OCA2: variants seen among roughly 807,000 people sequenced by gnomAD.
The protein encoded by OCA2 is P protein.
In OCA2, 77 loss-of-function variants were observed where a neutral mutation model predicts 100.2. That is an observed-to-expected ratio of 0.77 (90% CI 0.64 to 0.93). The LOEUF is 0.93. OCA2 is among the 40% of genes least tolerant of loss of function. The pLI, the probability that OCA2 is intolerant of heterozygous loss-of-function variation, is 0.00. For missense variants in OCA2, 1,062 were observed against 1,089.1 expected (o/e 0.98, Z 0.35); for synonymous variants, 432 against 439.2 (o/e 0.98, Z 0.21).
intron 1 of OCA2, among the ~76,000 whole-genome samples, chr15:28,093,917 G>A (rs1363833376): frequency 6.6e-6 from 1 of 152,168 alleles, no homozygotes; most frequent in Non-Finnish European, 1.5e-5. Context: ...CAGGTTAGTG[G>A]TTGTCCGGGG....
At chr15:28,016,047 T>C (rs2141239493) in intron 8 of OCA2, 57 bp downstream of exon 8, 1 of 1,421,766 alleles carries the variant, frequency 7.0e-7, no homozygotes, top group South Asian at 1.1e-5. Context: ...GTCAGACTCC[T>C]TTAAACGCAC....
At chr15:27,954,506 G>A (rs1379991960) in intron 17 of OCA2, among the ~76,000 whole-genome samples, 5 of 152,176 alleles carry the variant, frequency 3.3e-5, no homozygotes, top group African/African-American at 4.8e-5. Context: ...CACCTGACTC[G>A]CATGGAGAGT....
intron 14 of OCA2, among the ~76,000 whole-genome samples, chr15:27,973,971 T>C (rs963756683): frequency 2.0e-5 from 3 of 152,220 alleles, no homozygotes; most frequent in Admixed American, 2.0e-4. Context: ...AGTTCTTGAT[T>C]TGATTCTTGG....
At chr15:27,773,619 A>G (rs2032019625) in intron 23 of OCA2, among the ~76,000 whole-genome samples, 2 of 152,224 alleles carry the variant, frequency 1.3e-5, no homozygotes, top group South Asian at 4.1e-4. Context: ...ATTCTGTGAG[A>G]TAGGGAGCAT....
intron 2 of OCA2, among the ~76,000 whole-genome samples, chr15:28,041,251 GA>G (rs934618443): frequency 1.9e-4 from 21 of 111,138 alleles, no homozygotes; most frequent in East Asian, 8.8e-4. Context: ...ACACAGTAAA[GA>G]AAAAAAAACG....
intron 18 of OCA2, among the ~76,000 whole-genome samples, chr15:27,932,267 G>A (rs4238496): frequency 0.19 from 29,388 of 152,130 alleles, 4,120 homozygotes; most frequent in East Asian, 0.61. Flanking sequence ...GGTAGCTGAG[G>A]CACTGAAGCA....
At chr15:28,038,504 T>C (rs991845151) in intron 2 of OCA2, among the ~76,000 whole-genome samples, 9 of 152,090 alleles carry the variant, frequency 5.9e-5, no homozygotes, top group African/African-American at 1.9e-4. Context: ...TTTCAGGAGA[T>C]AGAGTCACAG....
chr15:27,989,904 C>G (rs2041493050), intron 10 of OCA2, among the ~76,000 whole-genome samples: 4 of 152,234 alleles, frequency 2.6e-5, no homozygotes, highest in Admixed American at 2.6e-4. Context: ...GCCCCTGCCT[C>G]TGGCAGCTCC....
chr15:28,004,617 C>T (rs1464045445), intron 9 of OCA2, among the ~76,000 whole-genome samples: 10 of 151,952 alleles, frequency 6.6e-5, no homozygotes, highest in Non-Finnish European at 1.0e-4. Context: ...ACCATGCAGT[C>T]ACACACTGTG....
intron 2 of OCA2, among the ~76,000 whole-genome samples, chr15:28,038,860 G>T (rs1039710809): frequency 6.6e-6 from 1 of 152,124 alleles, no homozygotes; most frequent in Non-Finnish European, 1.5e-5. Flanking sequence ...CAATCAAAAG[G>T]CAAAGAGTGG....
chr15:27,851,967 A>G (rs948909979), intron 21 of OCA2, among the ~76,000 whole-genome samples: 1 of 152,126 alleles, frequency 6.6e-6, no homozygotes, highest in African/African-American at 2.4e-5. Context: ...CCCTGACCCT[A>G]AACTGCATGC....
chr15:28,003,924 G>C (rs536307457), intron 9 of OCA2, among the ~76,000 whole-genome samples: 1 of 152,342 alleles, frequency 6.6e-6, no homozygotes, highest in East Asian at 1.9e-4. Context: ...GGTGACCTGA[G>C]AGTGATGCGA....
chr15:28,082,621 A>G (rs1225706603), intron 1 of OCA2, among the ~76,000 whole-genome samples: 3 of 152,210 alleles, frequency 2.0e-5, no homozygotes. Flanking sequence ...ATGGATGTGT[A>G]AAGAATAAGG....
chr15:27,855,124 A>G (rs1039945667), intron 21 of OCA2, among the ~76,000 whole-genome samples: 1 of 152,208 alleles, frequency 6.6e-6, no homozygotes, highest in East Asian at 1.9e-4. Flanking sequence ...TGCAATTCTG[A>G]TAAGAACCAG....
chr15:27,997,037 G>GAAAGAAAGAGAAAGAA (rs147840468), intron 9 of OCA2, among the ~76,000 whole-genome samples: 1 of 141,748 alleles, frequency 7.1e-6, no homozygotes, highest in Non-Finnish European at 1.5e-5. Flanking sequence ...AAGAGAGAGA[G>GAAAGAAAGAGAAAGAA]AGAGAAAGAA....
At chr15:27,759,526 T>G (rs2030659183) in intron 23 of OCA2, among the ~76,000 whole-genome samples, 1 of 152,054 alleles carries the variant, frequency 6.6e-6, no homozygotes, top group East Asian at 1.9e-4. Flanking sequence ...AATGGCTATA[T>G]TAATATCACA....
chr15:27,984,818 C>T lies in OCA2; in HGVS notation c.1364+246G>A, dbSNP rs563506165. 7.2e-5 allele frequency among the ~76,000 whole-genome samples: 11 copies of T among 152,316 alleles called. No individual in the cohort carries two copies. In the South Asian group the frequency reaches 1.9e-3, roughly 26 times the overall value. On this transcript the variant is annotated intron_variant, in intron 13 of 23. Transcript: ENST00000354638. ...CATGAGACCACAATCTCCAGGAAAG[C>T]AAGGCCTATGTCTTCCACCTCCTGC...
At chr15:27,896,069 T>A in intron 19 of OCA2, 1 of 1,193,614 alleles carries the variant, frequency 8.4e-7, no homozygotes, top group Non-Finnish European at 1.2e-6. Context: ...TGGAGGTGAC[T>A]GGCAAGGAAT....
At chr15:27,922,824 C>T (rs924507831) in intron 19 of OCA2, among the ~76,000 whole-genome samples, 1 of 151,560 alleles carries the variant, frequency 6.6e-6, no homozygotes, top group African/African-American at 2.4e-5. Flanking sequence ...ATTTTTTTAA[C>T]TTTTAAGTCC....
Sources: allele counts gnomAD v4.1 joint callset (sites outside exome capture counted in the v4.1 genomes callset), GRCh38; gene constraint gnomAD v4.1.1; transcripts MANE v1.5; gene names NCBI Gene and HGNC (gene_info 2026-07-23, HGNC 2026-07-21).